Variants in ZNF334 observed in about 807,000 individuals in gnomAD.
ZNF334 encodes zinc finger protein 334.
A neutral mutation model predicts 12.4 loss-of-function variants in ZNF334; 14 were observed. The observed-to-expected ratio is 1.13, with a 90% confidence interval of 0.74 to 1.76. The LOEUF is 1.76. ZNF334 is among the 40% of genes most tolerant of loss of function. The pLI is 0.00. For synonymous variants in ZNF334, 273 were observed against 269.6 expected (o/e 1.01, Z -0.12); for missense variants, 797 against 804.5 (o/e 0.99, Z 0.11).
At chr20:46,496,341 G>T (rs1286476086), downstream of ZNF334, among the ~76,000 whole-genome samples, 1 of 152,138 alleles carries the variant, frequency 6.6e-6, no homozygotes, top group East Asian at 1.9e-4. Flanking sequence ...TTTTCATTTT[G>T]AGGATCTGTT....
the ZNF334 span, chr20:46,463,947 AT>A: frequency 1.8e-6 from 1 of 563,756 alleles, no homozygotes. Context: ...AGTCCCACTC[AT>A]TTTCAAAGTC....
the ZNF334 span, among the ~76,000 whole-genome samples, chr20:46,478,450 G>A: frequency 6.6e-6 from 1 of 152,202 alleles, no homozygotes; most frequent in African/African-American, 2.4e-5. Flanking sequence ...GAACGTCTGG[G>A]CTAAGGGGTT....
chr20:46,505,624 A>AT (rs920434927), intron 2 of ZNF334: 2 of 153,790 alleles, frequency 1.3e-5, no homozygotes, highest in African/African-American at 2.4e-5. Flanking sequence ...GCTCTAGAGC[A>AT]TAAGAGTTGG....
the ZNF334 span, among the ~76,000 whole-genome samples, chr20:46,481,533 T>C: frequency 1.3e-5 from 2 of 152,216 alleles, no homozygotes; most frequent in Non-Finnish European, 1.5e-5. Flanking sequence ...AGCTGAAGAA[T>C]AGGAGTCCCT....
At chr20:46,466,769 C>A in the ZNF334 span, among the ~76,000 whole-genome samples, 1 of 152,146 alleles carries the variant, frequency 6.6e-6, no homozygotes, top group Non-Finnish European at 1.5e-5. Context: ...CAGGCATGAG[C>A]CACTACAACT....
chr20:46,479,779 T>C, the ZNF334 span, among the ~76,000 whole-genome samples: 4 of 152,142 alleles, frequency 2.6e-5, no homozygotes, highest in Admixed American at 6.5e-5. Context: ...ACATTTACCA[T>C]CTATTCCCAC....
chr20:46,476,762 A>G, the ZNF334 span, among the ~76,000 whole-genome samples: 5 of 152,198 alleles, frequency 3.3e-5, no homozygotes, highest in Admixed American at 3.3e-4. Flanking sequence ...CCAAGCTGAT[A>G]AAGCTTGTTT....
At chr20:46,473,980 G>C in the ZNF334 span, among the ~76,000 whole-genome samples, 1 of 152,180 alleles carries the variant, frequency 6.6e-6, no homozygotes, top group Non-Finnish European at 1.5e-5. Context: ...AAGATGGATT[G>C]GGTGATATGG....
chr20:46,488,903 C>T, the ZNF334 span, among the ~76,000 whole-genome samples: 3 of 151,322 alleles, frequency 2.0e-5, no homozygotes, highest in Non-Finnish European at 4.4e-5. Flanking sequence ...TGTCTCTGTG[C>T]CATGTACATA....
rs1349122799 is a variant in ZNF334 at position 46,502,347 on chromosome 20, A to T, written c.992T>A (p.Phe331Tyr). Residue 331 changes from phenylalanine (F) to tyrosine (Y), a missense_variant, in exon 5 of 5, where the codon TTT (phenylalanine) becomes TAT (tyrosine). Transcript: ENST00000692313. ...ATGTTCAGCCAGGGCTGACTTCCGA[A>T]AAAAGGTCTTTCCACATTCATTACA... ...YECNECGKTFFRKSALAEHFR... is the reference protein window; with the variant it reads ...YECNECGKTFYRKSALAEHFR... 2 of 1,614,076 alleles carry T rather than the reference A, an allele frequency of 1.2e-6. No homozygotes were observed.
chr20:46,480,622 G>T, the ZNF334 span, among the ~76,000 whole-genome samples: 2 of 152,160 alleles, frequency 1.3e-5, no homozygotes, highest in African/African-American at 4.8e-5. Flanking sequence ...TGACAATCCT[G>T]CATTCCCCAA....
the ZNF334 span, among the ~76,000 whole-genome samples, chr20:46,482,160 C>G: frequency 6.6e-6 from 1 of 152,182 alleles, no homozygotes; most frequent in Non-Finnish European, 1.5e-5. Flanking sequence ...ACTGCTAACC[C>G]ATATTGTACT....
At chr20:46,469,587 T>C in the ZNF334 span, among the ~76,000 whole-genome samples, 3 of 152,174 alleles carry the variant, frequency 2.0e-5, no homozygotes, top group African/African-American at 7.2e-5. Context: ...TTAGCCAGGA[T>C]GGTCTCGATC....
intron 2 of ZNF334, among the ~76,000 whole-genome samples, chr20:46,509,911 T>C (rs1459806603): frequency 1.3e-5 from 2 of 152,150 alleles, no homozygotes; most frequent in Non-Finnish European, 2.9e-5. Context: ...CTCAGCACAG[T>C]TTGAATTGCT....
At chr20:46,465,462 C>T in the ZNF334 span, among the ~76,000 whole-genome samples, 1 of 152,182 alleles carries the variant, frequency 6.6e-6, no homozygotes, top group African/African-American at 2.4e-5. Flanking sequence ...CTTTGGGAAG[C>T]CAAGGCAGCA....
At chr20:46,490,631 C>T in the ZNF334 span, among the ~76,000 whole-genome samples, 1 of 152,106 alleles carries the variant, frequency 6.6e-6, no homozygotes, top group Non-Finnish European at 1.5e-5. Context: ...AATTCAATGG[C>T]CACTGTTGAT....
downstream of ZNF334, among the ~76,000 whole-genome samples, chr20:46,498,504 G>C (rs1362508909): frequency 6.6e-6 from 1 of 152,194 alleles, no homozygotes; most frequent in African/African-American, 2.4e-5. Flanking sequence ...TTACATGACT[G>C]CATCCCTGGT....
At chr20:46,504,788 A>T (rs2061374224) in intron 2 of ZNF334, 48 bp from the exon 3 acceptor site, 1 of 1,534,984 alleles carries the variant, frequency 6.5e-7, no homozygotes, top group Non-Finnish European at 8.8e-7. Context: ...AGTGATATCA[A>T]ATGTATGGTA....
the ZNF334 span, among the ~76,000 whole-genome samples, chr20:46,469,855 C>A: frequency 1.3e-5 from 2 of 152,060 alleles, no homozygotes; most frequent in African/African-American, 4.8e-5. Flanking sequence ...CAGACATACA[C>A]CCTTAAGCAA....
Sources: gnomAD v4.1 joint callset for allele counts (sites outside exome capture counted in the v4.1 genomes callset) on GRCh38, gnomAD v4.1.1 for gene constraint, MANE v1.5 for transcripts, NCBI Gene and HGNC (gene_info 2026-07-23, HGNC 2026-07-21) for gene names.